Variants in MGAT5 observed in about 807,000 individuals in gnomAD.
MGAT5 encodes the protein alpha-1,6-mannosylglycoprotein 6-beta-N-acetylglucosaminyltransferase.
MGAT5 carries 30 observed loss-of-function variants against 94.3 expected under a neutral mutation model. The ratio of observed to expected loss-of-function variants is 0.32; its 90% confidence interval spans 0.24 to 0.43. The LOEUF (loss-of-function observed/expected upper bound fraction) is 0.43, where lower values mean the gene tolerates loss of function less well. Among genes scored for constraint, MGAT5 ranks in the 20% least tolerant of loss-of-function variants. The probability of loss-of-function intolerance (pLI) is 1.00; values close to 1 mark genes in which losing one functional copy is unlikely to be tolerated. For synonymous variants in MGAT5, 310 were observed against 322.9 expected (o/e 0.96, Z 0.43); for missense variants, 691 against 905.5 (o/e 0.76, Z 3.04).
chr2:134,193,912 A>G (rs1679368584), intron 1 of MGAT5, among the ~76,000 whole-genome samples: 1 of 152,164 alleles, frequency 6.6e-6, no homozygotes, highest in African/African-American at 2.4e-5. Context: ...AAATCTTAGA[A>G]TGAGTAAAAA....
At chr2:134,393,038 GAA>G (rs1436973994) in intron 10 of MGAT5, among the ~76,000 whole-genome samples, 1 of 152,224 alleles carries the variant, frequency 6.6e-6, no homozygotes, top group African/African-American at 2.4e-5. Flanking sequence ...GCGAGTTTGT[GAA>G]AGAATGTGCC....
intron 3 of MGAT5, 26 bp from the exon 4 acceptor site, chr2:134,318,624 G>C (rs1377405293): frequency 1.3e-6 from 2 of 1,580,938 alleles, no homozygotes; most frequent in East Asian, 4.5e-5. Context: ...TGAATGGGCT[G>C]CTCAGAGATG....
At chr2:134,402,577 G>GCCTTCCCCGGGCTGT (rs1472536170) in intron 10 of MGAT5, among the ~76,000 whole-genome samples, 1 of 152,158 alleles carries the variant, frequency 6.6e-6, no homozygotes, top group East Asian at 1.9e-4. Flanking sequence ...CCAACTGACT[G>GCCTTCCCCGGGCTGT]CCTTCCCCGG....
intron 1 of MGAT5, among the ~76,000 whole-genome samples, chr2:134,239,102 A>T (rs1257181): frequency 1.3e-5 from 2 of 151,936 alleles, no homozygotes; most frequent in African/African-American, 4.8e-5. Context: ...AGCTTCAAGC[A>T]ATTCTCCTGC....
chr2:134,273,482 C>A (rs911508889), intron 2 of MGAT5, among the ~76,000 whole-genome samples: 1 of 152,178 alleles, frequency 6.6e-6, no homozygotes, highest in Non-Finnish European at 1.5e-5. Flanking sequence ...TCTTATTGCT[C>A]ACTGATGTTT....
chr2:134,309,991 TC>T (rs760309388), intron 2 of MGAT5, among the ~76,000 whole-genome samples: 4 of 152,200 alleles, frequency 2.6e-5, no homozygotes, highest in Non-Finnish European at 5.9e-5. Context: ...CAGTGTGTTT[TC>T]ATAGTCATCA....
intron 1 of MGAT5, among the ~76,000 whole-genome samples, chr2:134,165,780 A>G (rs1687941339): frequency 6.6e-6 from 1 of 152,082 alleles, no homozygotes. Context: ...GTCTCAAAAA[A>G]AAAAAATTCT....
chr2:134,304,740 G>C (rs956032131), intron 2 of MGAT5, among the ~76,000 whole-genome samples: 1 of 152,174 alleles, frequency 6.6e-6, no homozygotes, highest in African/African-American at 2.4e-5. Context: ...TAAGTTGTAA[G>C]ATAGCCTGAT....
chr2:134,122,318 G>A (rs1485328333), intron 1 of MGAT5, among the ~76,000 whole-genome samples: 1 of 152,150 alleles, frequency 6.6e-6, no homozygotes, highest in East Asian at 1.9e-4. Context: ...TGGCCAGGCT[G>A]GTCGCGAACT....
chr2:134,146,576 T>A (rs906118659), intron 1 of MGAT5, among the ~76,000 whole-genome samples: 1 of 152,072 alleles, frequency 6.6e-6, no homozygotes, highest in African/African-American at 2.4e-5. Context: ...AAAAATTGAT[T>A]AGGCTCATTT....
chr2:134,411,577 T>C (rs546231690), intron 11 of MGAT5, among the ~76,000 whole-genome samples: 2 of 152,356 alleles, frequency 1.3e-5, no homozygotes, highest in African/African-American at 4.8e-5. Flanking sequence ...CCAGAATTCC[T>C]TCAGGAGCTA....
At chr2:134,313,089 C>CAT (rs1553444396) in intron 2 of MGAT5, among the ~76,000 whole-genome samples, 82 of 104,284 alleles carry the variant, frequency 7.9e-4, no homozygotes, top group East Asian at 7.4e-3. Context: ...CACACACACA[C>CAT]ACATATCTGT....
chr2:134,293,900 A>G (rs971197700), intron 2 of MGAT5, among the ~76,000 whole-genome samples: 1 of 152,178 alleles, frequency 6.6e-6, no homozygotes, highest in East Asian at 1.9e-4. Flanking sequence ...CTCTCCTCAT[A>G]CAGAAGTGTG....
At chr2:134,275,713 G>A (rs1684320253) in intron 2 of MGAT5, among the ~76,000 whole-genome samples, 1 of 150,554 alleles carries the variant, frequency 6.6e-6, no homozygotes, top group Non-Finnish European at 1.5e-5. Flanking sequence ...CTTCTGAGTA[G>A]CTGGGACTAC....
intron 1 of MGAT5, among the ~76,000 whole-genome samples, chr2:134,121,680 T>A (rs1198886845): frequency 6.6e-6 from 1 of 152,200 alleles, no homozygotes; most frequent in African/African-American, 2.4e-5. Flanking sequence ...CAAACTCAGT[T>A]GTGTGTGGGG....
chr2:134,408,316 C>T (rs1406064566), intron 11 of MGAT5, among the ~76,000 whole-genome samples: 1 of 152,178 alleles, frequency 6.6e-6, no homozygotes, highest in Non-Finnish European at 1.5e-5. Context: ...TTCTTTTACT[C>T]CCCTATCTCC....
chr2:134,124,671 AC>A (rs1436671208), intron 1 of MGAT5, among the ~76,000 whole-genome samples: 1 of 152,034 alleles, frequency 6.6e-6, no homozygotes, highest in East Asian at 1.9e-4. Flanking sequence ...ATATTTCTCC[AC>A]TCTATTTCCT....
chr2:134,263,753 T>G (rs1683483557), intron 1 of MGAT5, among the ~76,000 whole-genome samples: 1 of 152,188 alleles, frequency 6.6e-6, no homozygotes, highest in South Asian at 2.1e-4. Context: ...TATGTATATA[T>G]ATTTAAAATA....
chr2:134,170,760 A>C (rs1688163470), intron 1 of MGAT5, among the ~76,000 whole-genome samples: 1 of 152,136 alleles, frequency 6.6e-6, no homozygotes, highest in Non-Finnish European at 1.5e-5. Flanking sequence ...CATGTCTTTT[A>C]ATGGACATAT....
Sources: gnomAD v4.1 joint callset for allele counts (sites outside exome capture counted in the v4.1 genomes callset) on GRCh38, gnomAD v4.1.1 for gene constraint, MANE v1.5 for transcripts, NCBI Gene and HGNC (gene_info 2026-07-23, HGNC 2026-07-21) for gene names.